The following FA2H variants were observed in gnomAD, a reference collection of about 807,000 sequenced individuals.
The protein encoded by FA2H is fatty acid alpha-hydroxylase.
FA2H carries 22 observed loss-of-function variants against 44.9 expected under a neutral mutation model. The observed-to-expected ratio is 0.49, with a 90% CI of 0.35 to 0.70. The LOEUF is 0.70. FA2H is among the 30% of genes least tolerant of loss of function. FA2H has a pLI of 0.01. For synonymous variants in FA2H, 243 were observed against 213.2 expected, an observed-to-expected ratio of 1.14 and a Z score of -1.22; for missense variants, 501 against 504.9, an observed-to-expected ratio of 0.99 and a Z score of 0.07.
intron 1 of FA2H, among the ~76,000 whole-genome samples, chr16:74,760,614 C>G (rs1162744806): frequency 1.3e-5 from 2 of 152,166 alleles, no homozygotes; most frequent in African/African-American, 4.8e-5. Context: ...AAATCCCCAT[C>G]ACATGAGTAT....
At chr16:74,728,996 T>A (rs1185732888) in intron 2 of FA2H, among the ~76,000 whole-genome samples, 1 of 138,258 alleles carries the variant, frequency 7.2e-6, no homozygotes, top group Non-Finnish European at 1.5e-5. Flanking sequence ...TTGGCCAGGA[T>A]GGTCTTGATT....
rs115736809 is a variant in FA2H at position 74,738,429 on chromosome 16, G to A, written c.363+1594C>T. ...GGGGTCAGCCCTGAACCACAGCTCG[G>A]GGAGACTGGGAGGAGCTGACCACAG... is the stretch of plus-strand genomic sequence containing the variant. On this transcript the variant is annotated intron_variant, in intron 2 of 6. Coordinates refer to ENST00000219368, the MANE Select transcript of FA2H (RefSeq NM_024306.5). Among the ~76,000 whole-genome samples, 796 of 152,280 alleles carry A rather than the reference G, an allele frequency of 5.2e-3. 5 individuals are homozygous for A. The highest frequency in any genetic ancestry group is 0.018 in the African/African-American group (759 of 41,568).
Position 74,716,354 on chromosome 16 carries a change from C to G in FA2H, c.1032G>C (p.Gln344His), listed in dbSNP as rs779374650. 5.0e-6 allele frequency: 8 copies of G among 1,613,890 alleles called. No individual in the cohort carries two copies. In the Admixed American group the frequency reaches 6.7e-5, roughly 13 times the overall value. The change falls in exon 6 of 7, where the codon CAG (glutamine) becomes CAC (histidine). Residue 344 changes from glutamine to histidine, a missense_variant. Transcript: ENST00000219368. The part of the protein sequence containing the change: ...AHHVKHHFAH[Q>H]KSGFGISTKL... ...GCACAGGCCCATCCTCACCTGACTT[C>G]TGATGTGCAAAGTGGTGCTTGACGT...
chr16:74,720,180 CTTTTTTTT>C (rs56341013), intron 4 of FA2H, among the ~76,000 whole-genome samples: 5 of 47,244 alleles, frequency 1.1e-4, no homozygotes, highest in African/African-American at 2.0e-4. Context: ...CATCCTCATC[CTTTTTTTT>C]TTTTTTTTTT....
intron 5 of FA2H, 149 bp from the exon 6 acceptor site, chr16:74,716,748 G>GGGCCACC: frequency 1.2e-6 from 1 of 814,498 alleles, no homozygotes; most frequent in Non-Finnish European, 1.9e-6. Context: ...TGGGGAGGGC[G>GGGCCACC]GGCCACCACG....
intron 2 of FA2H, among the ~76,000 whole-genome samples, chr16:74,728,020 C>T (rs1382924259): frequency 6.6e-6 from 1 of 152,168 alleles, no homozygotes; most frequent in East Asian, 1.9e-4. Context: ...TAGCTTAGTG[C>T]TTACAGTTAG....
chr16:74,717,732 G>T (rs1166084936), intron 5 of FA2H, among the ~76,000 whole-genome samples: 1 of 152,248 alleles, frequency 6.6e-6, no homozygotes, highest in Middle Eastern at 3.2e-3. Flanking sequence ...GGCAGCAGGG[G>T]ACTGGACAGA....
At chr16:74,736,682 G>GC (rs1404470231) in intron 2 of FA2H, among the ~76,000 whole-genome samples, 2 of 152,220 alleles carry the variant, frequency 1.3e-5, no homozygotes, top group African/African-American at 4.8e-5. Flanking sequence ...GGTTATGCCA[G>GC]CATCTGGCTT....
At position 74,741,808 on chromosome 16, in the gene FA2H, A is replaced by ATATATATATATATG. The variant is rs1491185782; in HGVS notation, c.271-1694_271-1693insCATATATATATATA. 3.2e-3 allele frequency among the ~76,000 whole-genome samples: 153 copies of ATATATATATATATG among 48,306 alleles called. 2 individuals carry two copies. Among genetic ancestry groups the ATATATATATATATG allele is most frequent in the African/African-American group, 6.6e-3 (61 of 9,208 alleles). 31.7% of individuals were successfully genotyped at this position (48,306 alleles called of 152,430 possible). On this transcript the variant is annotated intron_variant, in intron 1 of 6. Transcript: ENST00000219368. The stretch of plus-strand genomic sequence containing the variant: ...TATATATATATATATATATATATAT[A>ATATATATATATATG]TGTGTGTGTGTGTGTGTGTGTGTGT...
At chr16:74,762,284 C>G (rs1300365578) in intron 1 of FA2H, among the ~76,000 whole-genome samples, 1 of 152,220 alleles carries the variant, frequency 6.6e-6, no homozygotes, top group African/African-American at 2.4e-5. Context: ...ACCTCGTGAT[C>G]CACCCGCCTC....
intron 2 of FA2H, among the ~76,000 whole-genome samples, chr16:74,730,977 C>A (rs534938012): frequency 7.2e-5 from 11 of 152,280 alleles, no homozygotes; most frequent in Admixed American, 7.2e-4. Flanking sequence ...CTCCTTCTCC[C>A]GAAGTCCGCT....
At chr16:74,757,222 T>A (rs1200875802) in intron 1 of FA2H, among the ~76,000 whole-genome samples, 2 of 152,130 alleles carry the variant, frequency 1.3e-5, no homozygotes, top group African/African-American at 4.8e-5. Flanking sequence ...ACTAAAAACG[T>A]GCAAAAAGTT....
At chr16:74,726,607 G>A (rs1194421270) in intron 3 of FA2H, among the ~76,000 whole-genome samples, 3 of 152,142 alleles carry the variant, frequency 2.0e-5, no homozygotes, top group East Asian at 1.9e-4. Flanking sequence ...GGCTGGTCTC[G>A]AACTCCTGAC....
intron 4 of FA2H, 75 bp downstream of exon 4, chr16:74,726,150 T>C (rs150237250): frequency 6.9e-6 from 7 of 1,007,282 alleles, no homozygotes; most frequent in Non-Finnish European, 1.1e-5. Context: ...TCTCAGAAAC[T>C]CTGGGCCAGG....
Position 74,774,479 on chromosome 16 carries a change from G to T in FA2H, c.270+7C>A. The T allele has an allele frequency of 6.6e-7, 1 of 1,507,160 alleles. No individual in the cohort carries two copies. Among genetic ancestry groups the T allele is most frequent in the Non-Finnish European group, 8.8e-7 (1 of 1,133,890 alleles). 93.4% of individuals were successfully genotyped at this position (1,507,160 alleles called of 1,614,324 possible). A position where few individuals can be genotyped will look rare whatever the true frequency, so the allele number is the denominator to read the frequency against. ...GGTTGGGGTGGGGGGCCCCGGCCCG[G>T]CTGTACCTGCTGCTCCCCGCGGAGC... On this transcript the variant is annotated splice_region_variant and intron_variant, in intron 1 of 6. Coordinates refer to ENST00000219368, the MANE Select transcript of FA2H (RefSeq NM_024306.5).
At chr16:74,742,098 C>A (rs932025777) in intron 1 of FA2H, among the ~76,000 whole-genome samples, 1 of 152,014 alleles carries the variant, frequency 6.6e-6, no homozygotes, top group African/African-American at 2.4e-5. Flanking sequence ...TCCAGACCCA[C>A]GCCTAGCACG....
Position 74,718,807 on chromosome 16 carries a change from C to G in FA2H, c.786+181G>C, listed in dbSNP as rs75949926. Among the ~76,000 whole-genome samples the G allele has an allele frequency of 9.4e-3, 1,438 of 152,296 alleles. 13 individuals carry two copies. Among genetic ancestry groups the G allele is most frequent in the Non-Finnish European group, 0.014 (962 of 68,014 alleles). On this transcript the variant is annotated intron_variant, in intron 5 of 6. Transcript: ENST00000219368. ...CTTGATGCTGCACACCCACGCTGTC[C>G]CCGCCTGGCTTAGGTTCGGATGCCC...
At chr16:74,719,474 A>G (rs1009560748) in intron 4 of FA2H, among the ~76,000 whole-genome samples, 3 of 152,150 alleles carry the variant, frequency 2.0e-5, no homozygotes, top group Middle Eastern at 3.2e-3. Flanking sequence ...CCTTGCCCCA[A>G]GGACATTGGA....
intron 4 of FA2H, among the ~76,000 whole-genome samples, chr16:74,723,712 G>A (rs1048285292): frequency 2.0e-5 from 3 of 152,048 alleles, no homozygotes; most frequent in African/African-American, 7.2e-5. Context: ...AGGTCATTCC[G>A]GTGAAGTGCA....
Sources: gnomAD v4.1 joint callset for allele counts (sites outside exome capture counted in the v4.1 genomes callset) on GRCh38, gnomAD v4.1.1 for gene constraint, MANE v1.5 for transcripts, NCBI Gene and HGNC (gene_info 2026-07-23, HGNC 2026-07-21) for gene names.